The following MFHAS1 variants were observed in gnomAD, a reference collection of about 807,000 sequenced individuals.
The protein encoded by MFHAS1 is multifunctional ROCO family signaling regulator 1.
A neutral mutation model predicts 70.4 loss-of-function variants in MFHAS1; 50 were observed. That is an observed-to-expected ratio of 0.71 (90% confidence interval 0.57 to 0.90). The LOEUF is 0.90. Among genes scored for constraint, MFHAS1 ranks in the 40% least tolerant of loss-of-function variants. The probability of loss-of-function intolerance (pLI) is 0.00; values close to 1 mark genes in which losing one functional copy is unlikely to be tolerated. For synonymous variants in MFHAS1, 952 were observed against 620.0 expected, an observed-to-expected ratio of 1.54 and a Z score of -7.96; for missense variants, 1,795 against 1,347.6, an observed-to-expected ratio of 1.33 and a Z score of -5.20.
intron 1 of MFHAS1, among the ~76,000 whole-genome samples, chr8:8,849,520 G>C (rs750162147): frequency 3.6e-4 from 55 of 152,324 alleles, no homozygotes; most frequent in Non-Finnish European, 7.5e-4. Context: ...GTGTCAGTAA[G>C]AAACGTGGGG....
chr8:8,853,442 T>C (rs1198689008), intron 1 of MFHAS1, among the ~76,000 whole-genome samples: 2 of 125,722 alleles, frequency 1.6e-5, no homozygotes, highest in Non-Finnish European at 3.2e-5. Context: ...ACCTGGACAA[T>C]CGCACAAGGT....
chr8:8,813,010 G>C (rs950636775), intron 1 of MFHAS1, among the ~76,000 whole-genome samples: 6 of 152,128 alleles, frequency 3.9e-5, no homozygotes, highest in African/African-American at 1.4e-4. Flanking sequence ...CAAGTGATCT[G>C]TCCACTTCAG....
In MFHAS1 at chr8:8,890,702, T is replaced by G. The variant is rs769656186; in HGVS notation, c.2357A>C (p.His786Pro). 1.9e-6 allele frequency: 3 copies of G among 1,613,476 alleles called. No homozygotes were observed. The African/African-American group carries it at 4.0e-5, about 22-fold the overall frequency. ...SQELLRATQL[H>P]QYVEGFLLHG... The stretch of plus-strand genomic sequence containing the variant: ...CAACAGAAAGCCCTCCACATACTGA[T>G]GGAGCTGGGTGGCCCGGAGCAGTTC... The change falls in exon 1 of 3, where the codon CAT (histidine) becomes CCT (proline). Residue 786 changes from histidine (H) to proline (P), a missense_variant. By Grantham distance (77) the His-to-Pro change is moderately conservative (BLOSUM62 -2). Coordinates refer to ENST00000276282, the MANE Select transcript of MFHAS1 (RefSeq NM_004225.3).
intron 1 of MFHAS1, among the ~76,000 whole-genome samples, chr8:8,850,237 G>T (rs923069436): frequency 1.3e-5 from 2 of 152,080 alleles, no homozygotes; most frequent in African/African-American, 4.8e-5. Context: ...ACACCCCTTG[G>T]TAAATGTTAA....
chr8:8,822,679 A>G (rs1807008384), intron 1 of MFHAS1, among the ~76,000 whole-genome samples: 1 of 122,740 alleles, frequency 8.1e-6, no homozygotes, highest in South Asian at 3.1e-4. Flanking sequence ...AGACGGGGAC[A>G]GGGACCAAGT....
chr8:8,816,286 A>G (rs979353610), intron 1 of MFHAS1, among the ~76,000 whole-genome samples: 1 of 152,192 alleles, frequency 6.6e-6, no homozygotes, highest in East Asian at 1.9e-4. Context: ...TCAACTATGC[A>G]TTTTTCTGTG....
intron 1 of MFHAS1, among the ~76,000 whole-genome samples, chr8:8,815,770 C>A (rs928434631): frequency 1.3e-5 from 2 of 152,170 alleles, no homozygotes; most frequent in African/African-American, 4.8e-5. Flanking sequence ...GAAACATACA[C>A]CTACCATGTT....
At chr8:8,856,834 T>A (rs776934656) in intron 1 of MFHAS1, among the ~76,000 whole-genome samples, 1 of 152,114 alleles carries the variant, frequency 6.6e-6, no homozygotes. Context: ...AGTTTATTGC[T>A]GCACACGGGA....
intron 1 of MFHAS1, among the ~76,000 whole-genome samples, chr8:8,874,319 A>G (rs1009673795): frequency 2.7e-5 from 4 of 145,888 alleles, no homozygotes; most frequent in Non-Finnish European, 6.0e-5. Flanking sequence ...TGTAGGATAT[A>G]CTATAACATT....
At chr8:8,801,082 G>A (rs1806069163) in intron 1 of MFHAS1, among the ~76,000 whole-genome samples, 1 of 152,076 alleles carries the variant, frequency 6.6e-6, no homozygotes, top group African/African-American at 2.4e-5. Context: ...GGGCGTGGTG[G>A]CACGCGCCTG....
chr8:8,864,653 A>G (rs560685486), intron 1 of MFHAS1, among the ~76,000 whole-genome samples: 1 of 152,340 alleles, frequency 6.6e-6, no homozygotes, highest in African/African-American at 2.4e-5. Context: ...TATCATTTGT[A>G]CCAGCTACCC....
At chr8:8,889,164 C>T (rs899518338) in intron 1 of MFHAS1, among the ~76,000 whole-genome samples, 4 of 152,198 alleles carry the variant, frequency 2.6e-5, no homozygotes, top group African/African-American at 9.6e-5. Flanking sequence ...GCTTTCTGTC[C>T]CTTCCGTCTC....
At chr8:8,855,482 C>G (rs904810491) in intron 1 of MFHAS1, among the ~76,000 whole-genome samples, 6 of 152,216 alleles carry the variant, frequency 3.9e-5, no homozygotes, top group Admixed American at 1.3e-4. Context: ...CCATCCTGCA[C>G]AATGAAAATG....
chr8:8,878,630 C>G (rs1716521707), intron 1 of MFHAS1, among the ~76,000 whole-genome samples: 1 of 151,386 alleles, frequency 6.6e-6, no homozygotes, highest in South Asian at 2.1e-4. Flanking sequence ...TATGTTTTCC[C>G]TTTCCATTGC....
chr8:8,822,888 G>A (rs1807019232), intron 1 of MFHAS1, among the ~76,000 whole-genome samples: 1 of 152,186 alleles, frequency 6.6e-6, no homozygotes, highest in Non-Finnish European at 1.5e-5. Context: ...CCAAGTCAGG[G>A]AAACTGAGAA....
intron 1 of MFHAS1, among the ~76,000 whole-genome samples, chr8:8,819,401 C>T (rs897949562): frequency 6.6e-6 from 1 of 151,972 alleles, no homozygotes; most frequent in South Asian, 2.1e-4. Flanking sequence ...GTCAGGAGAT[C>T]GAGACCATCC....
At chr8:8,874,313 G>A (rs929905308) in intron 1 of MFHAS1, among the ~76,000 whole-genome samples, 6 of 144,200 alleles carry the variant, frequency 4.2e-5, no homozygotes, top group Non-Finnish European at 7.5e-5. Flanking sequence ...TATATTTGTA[G>A]GATATACTAT....
chr8:8,846,273 A>G (rs199831136), intron 1 of MFHAS1, among the ~76,000 whole-genome samples: 128 of 30,312 alleles, frequency 4.2e-3, no homozygotes, highest in East Asian at 0.023. Context: ...GGGGGGGGGG[A>G]AGGAGGAGGA....
intron 1 of MFHAS1, among the ~76,000 whole-genome samples, chr8:8,854,754 T>A (rs1271144492): frequency 6.6e-6 from 1 of 152,118 alleles, no homozygotes; most frequent in Non-Finnish European, 1.5e-5. Context: ...TGGAACATAT[T>A]TACACTAAAA....
Sources: gnomAD v4.1 joint callset for allele counts (sites outside exome capture counted in the v4.1 genomes callset) on GRCh38, gnomAD v4.1.1 for gene constraint, MANE v1.5 for transcripts, NCBI Gene and HGNC (gene_info 2026-07-23, HGNC 2026-07-21) for gene names.